ASTN2: variants seen among roughly 807,000 people sequenced by gnomAD.
ASTN2 encodes astrotactin 2, also known as astrotactin-2.
Under a neutral mutation model 139.8 loss-of-function variants are expected in ASTN2, and 54 were observed. That is an observed-to-expected ratio of 0.39 (90% CI 0.31 to 0.48). ASTN2 has a LOEUF of 0.48. Among genes scored for constraint, ASTN2 ranks in the 20% least tolerant of loss-of-function variants. The pLI is 0.95. For missense variants in ASTN2, 1,565 were observed against 1,725.1 expected (o/e 0.91, Z 1.64); for synonymous variants, 756 against 719.5 (o/e 1.05, Z -0.81).
At chr9:117,005,729 A>C (rs1837335283) in intron 7 of ASTN2, among the ~76,000 whole-genome samples, 1 of 150,388 alleles carries the variant, frequency 6.6e-6, no homozygotes, top group African/African-American at 2.5e-5. Flanking sequence ...ATTCCCCAGT[A>C]CATACTTCTC....
chr9:116,701,618 T>C (rs1216040135), intron 16 of ASTN2, among the ~76,000 whole-genome samples: 1 of 152,178 alleles, frequency 6.6e-6, no homozygotes, highest in Non-Finnish European at 1.5e-5. Context: ...TGTCTGTGCT[T>C]TTGAAAGAGG....
chr9:116,750,442 G>A (rs943969151), intron 13 of ASTN2, among the ~76,000 whole-genome samples: 2 of 152,120 alleles, frequency 1.3e-5, no homozygotes, highest in South Asian at 4.1e-4. Flanking sequence ...TCTCCCTGGG[G>A]CACCTTAGAA....
chr9:116,838,568 C>T (rs916963840), intron 11 of ASTN2, among the ~76,000 whole-genome samples: 45 of 148,580 alleles, frequency 3.0e-4, no homozygotes, highest in Non-Finnish European at 5.6e-4. Flanking sequence ...GAATTACAGG[C>T]GTGTGCTACC....
At chr9:116,780,918 C>T (rs562228234) in intron 13 of ASTN2, among the ~76,000 whole-genome samples, 2 of 151,288 alleles carry the variant, frequency 1.3e-5, no homozygotes, top group Admixed American at 1.3e-4. Context: ...TGGCTCACTG[C>T]AACTTCCGCC....
chr9:117,018,605 G>A (rs1837784229), intron 6 of ASTN2, among the ~76,000 whole-genome samples: 1 of 152,116 alleles, frequency 6.6e-6, no homozygotes, highest in South Asian at 2.1e-4. Context: ...ACTGGAAAAA[G>A]CATAGACCTT....
intron 6 of ASTN2, among the ~76,000 whole-genome samples, chr9:117,032,561 T>C (rs1330443172): frequency 6.6e-6 from 1 of 152,296 alleles, no homozygotes; most frequent in East Asian, 1.9e-4. Flanking sequence ...TGTGGTGTCA[T>C]TTTCCCTTCT....
rs373528915 is a variant in ASTN2 at position 116,998,870 on chromosome 9, T to A, written c.1591+9222A>T. On this transcript the variant is annotated intron_variant, in intron 7 of 22. Coordinates refer to ENST00000313400, the MANE Select transcript of ASTN2 (RefSeq NM_001365068.1). ...TCCTTCAAAACAGGGAATTTCTCCA[T>A]CACTGTAGATTCTTGGAATTTATAG... is the stretch of plus-strand genomic sequence containing the variant. Among the ~76,000 whole-genome samples the A allele has an allele frequency of 2.6e-5, 4 of 152,324 alleles. No homozygotes were observed. The East Asian group carries it at 7.7e-4, about 29-fold the overall frequency.
intron 1 of ASTN2, among the ~76,000 whole-genome samples, chr9:117,341,798 A>G (rs3924100): frequency 0.012 from 1,887 of 152,294 alleles, 40 homozygotes; most frequent in African/African-American, 0.043. Context: ...CATCTCATCC[A>G]TCCTCAGAGT....
chr9:116,437,124 G>A (rs1588056418), intron 22 of ASTN2: 25 of 337,510 alleles, frequency 7.4e-5, no homozygotes, highest in South Asian at 6.2e-4. Flanking sequence ...GAGTTAGTGG[G>A]TGCAGCGCAC....
chr9:117,134,775 G>A (rs1345485953), intron 4 of ASTN2, among the ~76,000 whole-genome samples: 1 of 152,108 alleles, frequency 6.6e-6, no homozygotes, highest in Non-Finnish European at 1.5e-5. Flanking sequence ...GTGCAGATAC[G>A]TAATGCCCTG....
At chr9:116,829,711 C>G (rs1831748076) in intron 11 of ASTN2, among the ~76,000 whole-genome samples, 1 of 152,152 alleles carries the variant, frequency 6.6e-6, no homozygotes, top group Non-Finnish European at 1.5e-5. Flanking sequence ...ATACAATCAC[C>G]TCCTACCAAG....
intron 13 of ASTN2, among the ~76,000 whole-genome samples, chr9:116,797,059 A>T (rs980251984): frequency 2.0e-5 from 3 of 151,930 alleles, no homozygotes; most frequent in African/African-American, 7.3e-5. Context: ...GGCCTCAAGC[A>T]ATCTTCCCAT....
chr9:116,850,204 A>G (rs1469348214), intron 11 of ASTN2, among the ~76,000 whole-genome samples: 2 of 152,288 alleles, frequency 1.3e-5, no homozygotes, highest in Admixed American at 6.5e-5. Context: ...GGGCCCTTCA[A>G]GGTTTTATTC....
intron 10 of ASTN2, among the ~76,000 whole-genome samples, chr9:116,889,711 C>A (rs1833710976): frequency 6.8e-6 from 1 of 147,082 alleles, no homozygotes; most frequent in Middle Eastern, 3.4e-3. Flanking sequence ...CATAGCAAGA[C>A]CTTGTCTCTA....
At chr9:117,118,472 A>C (rs1365378600) in intron 4 of ASTN2, among the ~76,000 whole-genome samples, 1 of 152,012 alleles carries the variant, frequency 6.6e-6, no homozygotes. Context: ...CATTAGATGA[A>C]GCTATCATCG....
intron 20 of ASTN2, among the ~76,000 whole-genome samples, chr9:116,448,832 T>C (rs955938318): frequency 3.9e-5 from 6 of 152,154 alleles, no homozygotes; most frequent in Admixed American, 1.3e-4. Context: ...GCCCAGACAG[T>C]ATGGATGTAG....
intron 1 of ASTN2, among the ~76,000 whole-genome samples, chr9:117,405,974 G>C (rs544564270): frequency 4.4e-4 from 67 of 152,302 alleles, no homozygotes; most frequent in African/African-American, 1.6e-3. Flanking sequence ...AAGGCTCTGT[G>C]GGATGGATAG....
At chr9:116,671,196 T>C (rs1251373287) in intron 16 of ASTN2, among the ~76,000 whole-genome samples, 1 of 152,184 alleles carries the variant, frequency 6.6e-6, no homozygotes, top group Non-Finnish European at 1.5e-5. Context: ...TTATTATAGA[T>C]ACGTATTAAC....
intron 5 of ASTN2, among the ~76,000 whole-genome samples, chr9:117,048,979 T>TC: frequency 6.8e-6 from 1 of 147,202 alleles, no homozygotes; most frequent in African/African-American, 2.5e-5. Flanking sequence ...TTTTTTTTTT[T>TC]TGAGACGGAG....
Sources: gnomAD v4.1 joint callset for allele counts (sites outside exome capture counted in the v4.1 genomes callset) on GRCh38, gnomAD v4.1.1 for gene constraint, MANE v1.5 for transcripts, NCBI Gene and HGNC (gene_info 2026-07-23, HGNC 2026-07-21) for gene names.